Variants in UVSSA observed in about 807,000 individuals in gnomAD.
UVSSA encodes UV stimulated scaffold protein A, also known as UV-stimulated scaffold protein A.
Under a neutral mutation model 73.9 loss-of-function variants are expected in UVSSA, and 72 were observed. That is an observed-to-expected ratio of 0.97 (90% CI 0.81 to 1.19). The LOEUF (loss-of-function observed/expected upper bound fraction) is 1.19, where lower values mean the gene tolerates loss of function less well. UVSSA is among the 50% of genes most tolerant of loss of function. The pLI is 0.00. For missense variants in UVSSA, 1,150 were observed against 965.0 expected (o/e 1.19, Z -2.54); for synonymous variants, 454 against 391.3 (o/e 1.16, Z -1.89).
Position 1,386,027 on chromosome 4 carries a change from G to A in UVSSA, c.*66G>A. The A allele has an allele frequency of 6.5e-7, 1 of 1,532,888 alleles. No individual in the cohort carries two copies. The highest frequency in any genetic ancestry group is 9.0e-7 in the Non-Finnish European group (1 of 1,107,158). 95.0% of individuals were successfully genotyped at this position (1,532,888 alleles called of 1,614,324 possible). ...TCTGCCAGTGTCTCAGGACAGCAGA[G>A]TGGGCGTGGGTCTGGGCAGTAACCA... On this transcript the variant is annotated 3_prime_UTR_variant, in exon 14 of 14. Transcript: ENST00000389851.
At chr4:1,358,882 G>A (rs1716197948) in intron 7 of UVSSA, among the ~76,000 whole-genome samples, 1 of 152,200 alleles carries the variant, frequency 6.6e-6, no homozygotes, top group Non-Finnish European at 1.5e-5. Flanking sequence ...AATATGTTTA[G>A]AACTTCCAAC....
At chr4:1,366,555 G>C in intron 8 of UVSSA, 124 bp downstream of exon 8, 1 of 664,264 alleles carries the variant, frequency 1.5e-6, no homozygotes, top group Non-Finnish European at 2.5e-6. Context: ...TGCTGCTTTG[G>C]TTTAAAATGC....
At chr4:1,379,654 C>T (rs1719205172) in intron 10 of UVSSA, among the ~76,000 whole-genome samples, 1 of 152,216 alleles carries the variant, frequency 6.6e-6, no homozygotes, top group Admixed American at 6.5e-5. Context: ...GCCCCGTTGG[C>T]CTTCAAGGTC....
intron 7 of UVSSA, chr4:1,359,212 A>G (rs917210042): frequency 6.6e-6 from 1 of 152,132 alleles, no homozygotes; most frequent in African/African-American, 2.4e-5. Context: ...GTCTTCAGAA[A>G]ATACTCAACG....
rs114396993 is a variant in UVSSA, at chr4:1,354,861, C to T, written c.1047+14C>T. ...TCGTGGATCCAGGTGAGCCTCGAAC[C>T]TGGGACCTGTGGGTGGAGGGACGTG... On this transcript the variant is annotated intron_variant, in intron 6 of 13. Coordinates refer to ENST00000389851, the MANE Select transcript of UVSSA (RefSeq NM_020894.4). 6.3e-7 allele frequency: 1 copy of T among 1,595,194 alleles called. No homozygotes were observed. Among genetic ancestry groups the T allele is most frequent in the Non-Finnish European group, 8.5e-7 (1 of 1,171,482 alleles).
chr4:1,356,412 C>T (rs1715769608), intron 7 of UVSSA, among the ~76,000 whole-genome samples: 1 of 152,192 alleles, frequency 6.6e-6, no homozygotes, highest in South Asian at 2.1e-4. Context: ...TGCTTTTCTC[C>T]TTTAAGTCCG....
chr4:1,353,151 C>G lies in UVSSA; in HGVS notation c.672C>G (p.Ser224=). 6.2e-7 allele frequency: 1 copy of G among 1,613,014 alleles called. No individual in the cohort carries two copies. Among genetic ancestry groups the G allele is most frequent in the Non-Finnish European group, 8.5e-7 (1 of 1,180,014 alleles). Residue 224 remains serine (S), a synonymous_variant, in exon 5 of 14, where the codon TCC becomes TCG. Coordinates refer to ENST00000389851, the MANE Select transcript of UVSSA (RefSeq NM_020894.4). The part of the protein sequence containing the change: ...TESLGMASGM[S]DALRSSCAGQ... ...CCCTTGGCATGGCTTCTGGCATGTC[C>G]GATGCCCTTCGCTCCTCCTGCGCGG...
At chr4:1,381,555 AGGCCCATCTGCCCGCCCTGCCTCCCCTCG>A (rs1176826813) in intron 12 of UVSSA, among the ~76,000 whole-genome samples, 1 of 151,922 alleles carries the variant, frequency 6.6e-6, no homozygotes, top group Non-Finnish European at 1.5e-5. Flanking sequence ...GTCTCACCCC[AGGCCCATCTGCCCGCCCTGCCTCCCCTCG>A]GGCCCATCTG....
At chr4:1,346,539 CA>C (rs1713705338), upstream of UVSSA, among the ~76,000 whole-genome samples, 1 of 152,078 alleles carries the variant, frequency 6.6e-6, no homozygotes, top group African/African-American at 2.4e-5. Flanking sequence ...AGCCCGGGCC[CA>C]GGGGTACCTG....
chr4:1,395,224 T>G (rs774928878), exon 14 of UVSSA: 1 of 1,417,824 alleles, frequency 7.1e-7, no homozygotes, highest in Non-Finnish European at 9.3e-7. Flanking sequence ...CGATGCGGAG[T>G]GCCCGCCTGC....
Position 1,353,147 on chromosome 4 carries a change from T to C in UVSSA, c.668T>C (p.Met223Thr), listed in dbSNP as rs763916276. 5.0e-6 allele frequency: 8 copies of C among 1,613,056 alleles called. No individual in the cohort carries two copies. In the South Asian group the frequency reaches 7.7e-5, roughly 15 times the overall value. Residue 223 changes from methionine (M) to threonine (T), a missense_variant, in exon 5 of 14, where the codon ATG becomes ACG. Met to Thr is a moderately conservative substitution (Grantham distance 81, BLOSUM62 -1). Coordinates refer to ENST00000389851, the MANE Select transcript of UVSSA (RefSeq NM_020894.4). ...ETESLGMASGMSDALRSSCAG... is the reference protein window; with the variant it reads ...ETESLGMASGTSDALRSSCAG... The stretch of plus-strand genomic sequence containing the variant: ...GAATCCCTTGGCATGGCTTCTGGCA[T>C]GTCCGATGCCCTTCGCTCCTCCTGC...
intron 5 of UVSSA, 139 bp downstream of exon 5, chr4:1,353,552 TTTTTCCTTTCTG>T: frequency 8.2e-7 from 1 of 1,222,188 alleles, no homozygotes; most frequent in Non-Finnish European, 1.1e-6. Flanking sequence ...CACCACCAGG[TTTTTCCTTTCTG>T]TGTGGCCTCT....
chr4:1,391,413 T>C (rs909621683), downstream of UVSSA: 14 of 152,284 alleles, frequency 9.2e-5, no homozygotes, highest in African/African-American at 3.1e-4. Flanking sequence ...TATATTGATA[T>C]TGAATGTGAG....
At chr4:1,385,631 G>A (rs1022323096) in intron 13 of UVSSA, 16 of 560,810 alleles carry the variant, frequency 2.9e-5, no homozygotes, top group African/African-American at 2.1e-4. Flanking sequence ...AGAACCACCC[G>A]CCGCAGACTC....
At chr4:1,355,043 T>C (rs144757189) in intron 6 of UVSSA, 74 bp from the exon 7 acceptor site, 20,559 of 1,583,960 alleles carry the variant, frequency 0.013, 178 homozygotes, top group Non-Finnish European at 0.016. Context: ...GGACCTGGCA[T>C]GTGCCTCCCA....
At chr4:1,359,906 T>C (rs901544348) in intron 7 of UVSSA, among the ~76,000 whole-genome samples, 3 of 152,138 alleles carry the variant, frequency 2.0e-5, no homozygotes, top group African/African-American at 4.8e-5. Context: ...CCCACCTCCT[T>C]TTCCTGCTGT....
chr4:1,377,854 G>A (rs897836107), intron 10 of UVSSA, among the ~76,000 whole-genome samples: 8 of 152,270 alleles, frequency 5.3e-5, no homozygotes, highest in African/African-American at 1.4e-4. Context: ...TGCTGTGGTC[G>A]GCTTGATGGA....
chr4:1,376,172 A>G lies in UVSSA; in HGVS notation c.1568+4A>G, dbSNP rs1269763207. The G allele has an allele frequency of 6.2e-7, 1 of 1,607,788 alleles. No individual in the cohort carries two copies. The highest frequency in any genetic ancestry group is 8.5e-7 in the Non-Finnish European group (1 of 1,176,932). ...CCACAGCCGGGAAGATTGTCAAGTG[A>G]GTCCCCATGTGTCTGAAGTCGGCCA... On this transcript the variant is annotated splice_donor_region_variant and intron_variant, in intron 10 of 13. Transcript: ENST00000389851.
At position 1,351,740 on chromosome 4, in the gene UVSSA, G is replaced by A. The variant is rs747671544; in HGVS notation, c.455G>A (p.Arg152Gln). ...GTGGATTTTCAAGACACGAATGCTC[G>A]GAGTCTGGCAGAAAGGAAGAGAGAA... ...KKVDFQDTNA[R>Q]SLAERKREEE... The change falls in exon 4 of 14, where the codon CGG becomes CAG. Residue 152 changes from arginine (R) to glutamine (Q), a missense_variant. Transcript: ENST00000389851. 1.9e-5 allele frequency: 30 copies of A among 1,613,342 alleles called. No individual in the cohort carries two copies. The highest frequency in any genetic ancestry group is 1.6e-4 in the Middle Eastern group (1 of 6,082).
Sources: allele counts gnomAD v4.1 joint callset (sites outside exome capture counted in the v4.1 genomes callset), GRCh38; gene constraint gnomAD v4.1.1; transcripts MANE v1.5; gene names NCBI Gene and HGNC (gene_info 2026-07-23, HGNC 2026-07-21).